Variants in ALKBH5 observed in about 807,000 individuals in gnomAD.
ALKBH5 encodes RNA demethylase ALKBH5.
Under a neutral mutation model 32.1 loss-of-function variants are expected in ALKBH5, and 2 were observed. The observed-to-expected ratio is 0.06, with a 90% CI of 0.03 to 0.20. The LOEUF is 0.20. ALKBH5 is among the 10% of genes least tolerant of loss of function. ALKBH5 has a pLI of 1.00. For missense variants in ALKBH5, 352 were observed against 559.5 expected, an observed-to-expected ratio of 0.63 and a Z score of 3.74; for synonymous variants, 300 against 231.7, an observed-to-expected ratio of 1.29 and a Z score of -2.68.
At chr17:18,201,846 A>AGATT (rs879896001) in intron 2 of ALKBH5, among the ~76,000 whole-genome samples, 2 of 84,130 alleles carry the variant, frequency 2.4e-5, no homozygotes, top group East Asian at 2.3e-4. Context: ...GATGATAGAT[A>AGATT]GATTGATTGA....
chr17:18,205,786 T>G (rs2047266011), intron 2 of ALKBH5, among the ~76,000 whole-genome samples: 1 of 152,166 alleles, frequency 6.6e-6, no homozygotes, highest in African/African-American at 2.4e-5. Flanking sequence ...TCCCTCCTGC[T>G]TACTTCTCCC....
At position 18,185,113 on chromosome 17, in the gene ALKBH5, G is replaced by T. The variant is rs2047130257; in HGVS notation, c.770+100G>T. 1.0e-5 allele frequency: 15 copies of T among 1,498,392 alleles called. No homozygotes were observed. In the Admixed American group the frequency reaches 1.1e-4, roughly 11 times the overall value. The allele number at this position is 1,498,392 out of a possible 1,614,324, so 92.8% of individuals were successfully genotyped here. A position where few individuals can be genotyped will look rare whatever the true frequency, so the allele number is the denominator to read the frequency against. On this transcript the variant is annotated intron_variant, in intron 1 of 3. Coordinates refer to ENST00000399138, the MANE Select transcript of ALKBH5 (RefSeq NM_017758.4). ...CCCGTAGGAGTCTGCGTTTTTTACA[G>T]TTCTGACCAGTTCTTCTGTTTGTAG...
intron 1 of ALKBH5, among the ~76,000 whole-genome samples, chr17:18,186,738 G>A (rs1347322117): frequency 6.6e-6 from 1 of 152,176 alleles, no homozygotes; most frequent in African/African-American, 2.4e-5. Flanking sequence ...CCCAGTCCCT[G>A]TCAACCCTTT....
Position 18,208,510 on chromosome 17 carries a change from T to A in ALKBH5, c.*114T>A. 1 of 1,201,074 alleles carries A rather than the reference T, an allele frequency of 8.3e-7. No individual in the cohort carries two copies. The allele number at this position is 1,201,074 out of a possible 1,614,324, so 74.4% of individuals were successfully genotyped here. Reference sequence around the variant, plus strand: ...GGGGTTTTTGTTTTTTGTTTTTTGTTTTTTTTGATTCTATATATTTTTCCT... The same window carrying A: ...GGGGTTTTTGTTTTTTGTTTTTTGTATTTTTTGATTCTATATATTTTTCCT... On this transcript the variant is annotated 3_prime_UTR_variant, in exon 4 of 4. Transcript: ENST00000399138.
chr17:18,192,906 C>G (rs959348043), intron 1 of ALKBH5, among the ~76,000 whole-genome samples: 1 of 137,298 alleles, frequency 7.3e-6, no homozygotes, highest in Non-Finnish European at 1.5e-5. Context: ...GTCACCCAGG[C>G]TGGAGTGCAG....
chr17:18,184,375 C>CGCCGCT lies in ALKBH5; in HGVS notation c.138_143dup (p.Ala47_Ala48dup). The CGCCGCT allele has an allele frequency of 3.3e-6, 5 of 1,518,210 alleles. No individual in the cohort carries two copies. Among genetic ancestry groups the CGCCGCT allele is most frequent in the Non-Finnish European group, 3.5e-6 (4 of 1,135,874 alleles). The allele number at this position is 1,518,210 out of a possible 1,614,324, so 94.0% of individuals were successfully genotyped here. A position where few individuals can be genotyped will look rare whatever the true frequency, so the allele number is the denominator to read the frequency against. On this transcript the variant is annotated inframe_insertion, in exon 1 of 4. Coordinates refer to ENST00000399138, the MANE Select transcript of ALKBH5 (RefSeq NM_017758.4). ...CCGCCGTAGCCGCCGCAGCCGCAGC[C>CGCCGCT]GCCGCTGCCGCCGAACCTTACCCTG...
In ALKBH5 at chr17:18,184,113, C is replaced by T. The variant is rs2047119485; in HGVS notation, c.-131C>T. ...GGACCCTCGACGCCCCCCGCCGGGT[C>T]CCCCACTCACGCATGGGGGTTCGGC... is the stretch of plus-strand genomic sequence containing the variant. On this transcript the variant is annotated 5_prime_UTR_variant, in exon 1 of 4. Transcript: ENST00000399138. The T allele has an allele frequency of 3.6e-6, 3 of 834,596 alleles. No homozygotes were observed. The highest frequency in any genetic ancestry group is 3.1e-5 in the South Asian group (2 of 65,364). The allele number at this position is 834,596 out of a possible 1,614,324, so 51.7% of individuals were successfully genotyped here.
chr17:18,187,921 C>T (rs2047149453), intron 1 of ALKBH5, among the ~76,000 whole-genome samples: 1 of 152,096 alleles, frequency 6.6e-6, no homozygotes, highest in South Asian at 2.1e-4. Flanking sequence ...TCTAAGACCG[C>T]ATGGCAAGAA....
intron 2 of ALKBH5, among the ~76,000 whole-genome samples, chr17:18,195,291 G>A (rs1273790077): frequency 2.6e-5 from 4 of 152,222 alleles, no homozygotes; most frequent in Admixed American, 2.0e-4. Flanking sequence ...GTATAATCTT[G>A]AGACAAGATT....
intron 1 of ALKBH5, among the ~76,000 whole-genome samples, chr17:18,186,275 TG>T (rs1440169301): frequency 6.6e-6 from 1 of 152,174 alleles, no homozygotes; most frequent in African/African-American, 2.4e-5. Context: ...CTTCTTATAA[TG>T]GGCTTCTGAG....
chr17:18,191,638 G>A (rs545693372), intron 1 of ALKBH5, among the ~76,000 whole-genome samples: 1 of 152,130 alleles, frequency 6.6e-6, no homozygotes, highest in Non-Finnish European at 1.5e-5. Flanking sequence ...GGCAGGGAAG[G>A]TTGCCTGTAG....
chr17:18,201,909 C>T (rs1417427558), intron 2 of ALKBH5, among the ~76,000 whole-genome samples: 2 of 151,982 alleles, frequency 1.3e-5, no homozygotes, highest in African/African-American at 4.8e-5. Context: ...GAGCTACTCG[C>T]GAGCCTGAGG....
intron 1 of ALKBH5, among the ~76,000 whole-genome samples, chr17:18,192,854 CTTTTTTTTTTTT>C (rs201150139): frequency 2.2e-4 from 26 of 115,578 alleles, no homozygotes; most frequent in South Asian, 1.2e-3. Context: ...CTGTCTTTTT[CTTTTTTTTTTTT>C]TTTTTTTTTT....
chr17:18,206,446 T>G (rs2047269473), intron 2 of ALKBH5: 2 of 180,522 alleles, frequency 1.1e-5, no homozygotes, highest in South Asian at 2.6e-4. Flanking sequence ...AGTGGGGCCG[T>G]TGGTCCTCTG....
intron 2 of ALKBH5, among the ~76,000 whole-genome samples, chr17:18,201,775 A>ATAGATAGATAGG (rs1555550992): frequency 0.025 from 3,488 of 141,534 alleles, 68 homozygotes; most frequent in East Asian, 0.035. Flanking sequence ...AGATAGATAG[A>ATAGATAGATAGG]TAGATAGATA....
intron 1 of ALKBH5, 136 bp downstream of exon 1, chr17:18,185,149 G>A: frequency 1.4e-6 from 2 of 1,429,074 alleles, no homozygotes; most frequent in Non-Finnish European, 1.9e-6. Context: ...ATTGTAGGGA[G>A]CGAGAGAAGG....
In ALKBH5 at chr17:18,208,259, T is replaced by C; in HGVS notation, c.1048T>C (p.Ser350Pro). 1 of 1,613,444 alleles carries C rather than the reference T, an allele frequency of 6.2e-7. No individual in the cohort carries two copies. Among genetic ancestry groups the C allele is most frequent in the Non-Finnish European group, 8.5e-7 (1 of 1,179,664 alleles). ...LEMDKEENRR[S>P]VLLPTHRRRG... ...GATGGACAAGGAAGAGAACCGGCGCTCGGTGCTGCTGCCCACACACCGGCG... is the reference window on the plus strand; with the variant it reads ...GATGGACAAGGAAGAGAACCGGCGCCCGGTGCTGCTGCCCACACACCGGCG... The change falls in exon 4 of 4, where the codon TCG becomes CCG. Residue 350 changes from serine (S) to proline (P), a missense_variant. Around this residue, in one of 4 missense-constraint regions of ALKBH5, gnomAD observed 124 missense variants for 142.4 expected, o/e 0.87. Transcript: ENST00000399138.
At chr17:18,198,253 C>T (rs1252784291) in intron 2 of ALKBH5, among the ~76,000 whole-genome samples, 3 of 152,244 alleles carry the variant, frequency 2.0e-5, no homozygotes, top group Admixed American at 6.5e-5. Flanking sequence ...ACAGCTCATA[C>T]GCTTGCCATT....
chr17:18,201,766 GATA>G (rs1567676563), intron 2 of ALKBH5, among the ~76,000 whole-genome samples: 16 of 136,078 alleles, frequency 1.2e-4, no homozygotes, highest in Non-Finnish European at 1.9e-4. Context: ...TAGATAGATA[GATA>G]GATAGATAGA....
Sources: gnomAD v4.1 joint callset for allele counts (sites outside exome capture counted in the v4.1 genomes callset) on GRCh38, gnomAD v4.1.1 for gene constraint, gnomAD v4.1.1 regional missense constraint, MANE v1.5 for transcripts, NCBI Gene and HGNC (gene_info 2026-07-23, HGNC 2026-07-21) for gene names.